Variants in C2orf76 observed in about 807,000 individuals in gnomAD.
C2orf76 encodes the protein chromosome 2 open reading frame 76, also known as UPF0538 protein C2orf76.
C2orf76 carries 23 observed loss-of-function variants against 16.9 expected under a neutral mutation model. That is an observed-to-expected ratio of 1.36 (90% CI 0.98 to 1.93). The LOEUF is 1.93. C2orf76 is among the 30% of genes most tolerant of loss of function. C2orf76 has a pLI of 0.00. For missense variants in C2orf76, 152 were observed against 152.6 expected, an observed-to-expected ratio of 1.00 and a Z score of 0.02; for synonymous variants, 48 against 52.3, an observed-to-expected ratio of 0.92 and a Z score of 0.35.
At chr2:119,286,389 G>A in the C2orf76 span, among the ~76,000 whole-genome samples, 1 of 152,088 alleles carries the variant, frequency 6.6e-6, no homozygotes, top group Non-Finnish European at 1.5e-5. Flanking sequence ...ATGGTCCTTG[G>A]TTGTGCCTCC....
In C2orf76 at chr2:119,311,721, A is replaced by T; in HGVS notation, c.223-18T>A. On this transcript the variant is annotated intron_variant, in intron 4 of 5. Coordinates refer to ENST00000334816, the MANE Select transcript of C2orf76 (RefSeq NM_001322331.2). ...TCATTTGTCTAAAAAAAAAAAAGAAAATCTGCATTTTATCAGTACTTACAT... is the reference window on the plus strand; with the variant it reads ...TCATTTGTCTAAAAAAAAAAAAGAATATCTGCATTTTATCAGTACTTACAT... 1 of 1,599,336 alleles carries T rather than the reference A, an allele frequency of 6.3e-7. No homozygotes were observed. The highest frequency in any genetic ancestry group is 8.5e-7 in the Non-Finnish European group (1 of 1,176,468).
At chr2:119,305,555 A>C (rs1678750371) in intron 5 of C2orf76, among the ~76,000 whole-genome samples, 1 of 152,232 alleles carries the variant, frequency 6.6e-6, no homozygotes, top group Non-Finnish European at 1.5e-5. Context: ...AGCCTGAGAC[A>C]CACGCACTGA....
intron 5 of C2orf76, among the ~76,000 whole-genome samples, chr2:119,305,789 G>A (rs933797230): frequency 3.3e-5 from 5 of 152,104 alleles, no homozygotes; most frequent in Non-Finnish European, 7.4e-5. Flanking sequence ...TCACAGCTGA[G>A]TTATATTTCT....
At chr2:119,300,248 C>T (rs1050040079), downstream of C2orf76, among the ~76,000 whole-genome samples, 24 of 152,196 alleles carry the variant, frequency 1.6e-4, no homozygotes, top group Non-Finnish European at 2.5e-4. Flanking sequence ...TGCCACGGAA[C>T]GCACGATCAC....
chr2:119,315,380 T>C (rs1276687112), intron 4 of C2orf76, among the ~76,000 whole-genome samples: 1 of 152,194 alleles, frequency 6.6e-6, no homozygotes, highest in East Asian at 1.9e-4. Flanking sequence ...AGGAATTATT[T>C]AGAAGTCTCT....
downstream of C2orf76, among the ~76,000 whole-genome samples, chr2:119,297,588 C>A (rs1314183051): frequency 6.6e-6 from 1 of 152,120 alleles, no homozygotes; most frequent in Non-Finnish European, 1.5e-5. Flanking sequence ...CTCACTGTAA[C>A]CTCTGCCTCC....
At chr2:119,323,342 T>G (rs1679407892) in intron 2 of C2orf76, among the ~76,000 whole-genome samples, 1 of 152,140 alleles carries the variant, frequency 6.6e-6, no homozygotes, top group Non-Finnish European at 1.5e-5. Context: ...TTTTTTAAAA[T>G]GCTTTTTCAA....
chr2:119,308,573 G>A (rs1050961651), intron 5 of C2orf76, among the ~76,000 whole-genome samples: 2 of 152,206 alleles, frequency 1.3e-5, no homozygotes, highest in African/African-American at 4.8e-5. Flanking sequence ...CCCAGGAGGT[G>A]GAGGCTGCAG....
rs990082195 is a variant in C2orf76 at position 119,328,186 on chromosome 2, T to C, written c.134-6982A>G. 2.0e-5 allele frequency among the ~76,000 whole-genome samples: 3 copies of C among 152,186 alleles called. No homozygotes were observed. The East Asian group carries it at 5.8e-4, about 29-fold the overall frequency. ...CCCATCCTTCTTCTGGAAGAATCTC[T>C]GTAGAATTGAGATTATTTCTTTCTT... On this transcript the variant is annotated intron_variant, in intron 2 of 5. Transcript: ENST00000334816.
At chr2:119,292,549 C>T in the C2orf76 span, among the ~76,000 whole-genome samples, 1 of 152,152 alleles carries the variant, frequency 6.6e-6, no homozygotes, top group Non-Finnish European at 1.5e-5. Context: ...TTCCTCAACT[C>T]CATTTGAAAC....
At chr2:119,366,521 C>T (rs1295794327) in intron 1 of C2orf76, 3 of 471,240 alleles carry the variant, frequency 6.4e-6, no homozygotes, top group African/African-American at 6.0e-5. Context: ...CAGGGACCAT[C>T]TCCGGGGGTC....
intron 2 of C2orf76, 91 bp from the exon 3 acceptor site, chr2:119,321,295 A>G: frequency 2.7e-6 from 2 of 727,636 alleles, no homozygotes; most frequent in East Asian, 2.9e-5. Context: ...TTCTATCTAC[A>G]GACTAAGTTA....
chr2:119,352,511 C>G (rs75938835), intron 1 of C2orf76, among the ~76,000 whole-genome samples: 2,068 of 152,256 alleles, frequency 0.014, 42 homozygotes, highest in African/African-American at 0.046. Context: ...AAACTTTCAG[C>G]CAATACAGGC....
chr2:119,341,049 C>T (rs576865918), intron 1 of C2orf76, among the ~76,000 whole-genome samples: 1 of 152,102 alleles, frequency 6.6e-6, no homozygotes, highest in Non-Finnish European at 1.5e-5. Context: ...TGCCCTGGGA[C>T]GACAGAGCAG....
intron 1 of C2orf76, among the ~76,000 whole-genome samples, chr2:119,353,467 G>A (rs1039674688): frequency 2.7e-5 from 4 of 150,908 alleles, no homozygotes; most frequent in African/African-American, 7.3e-5. Flanking sequence ...GATGGAGAAC[G>A]AAATTTTCTT....
At chr2:119,367,067 C>T (rs760114471), upstream of C2orf76, 3 of 1,614,014 alleles carry the variant, frequency 1.9e-6, no homozygotes, top group Admixed American at 3.3e-5. Flanking sequence ...TCAGGTACAG[C>T]GCGTGCACAG....
chr2:119,363,423 C>CA (rs561547022), intron 1 of C2orf76, among the ~76,000 whole-genome samples: 94 of 95,152 alleles, frequency 9.9e-4, no homozygotes, highest in East Asian at 2.2e-3. Flanking sequence ...GACTCTGTCT[C>CA]AAAAAAAAAA....
Position 119,324,373 on chromosome 2 carries a change from C to T in C2orf76, c.134-3169G>A, listed in dbSNP as rs993118251. Among the ~76,000 whole-genome samples the T allele has an allele frequency of 1.2e-4, 19 of 152,298 alleles. No homozygotes were observed. The East Asian group carries it at 3.3e-3, about 26-fold the overall frequency. On this transcript the variant is annotated intron_variant, in intron 2 of 5. Transcript: ENST00000334816. ...TTCTCTGATATTGTTTCCTTCATAA[C>T]AGGTTTTACAATTATAGTTTTGTCT...
intron 1 of C2orf76, among the ~76,000 whole-genome samples, chr2:119,345,691 G>A (rs1000137973): frequency 6.6e-6 from 1 of 152,148 alleles, no homozygotes. Flanking sequence ...TGTACAGACA[G>A]TATTTCAGCG....
Sources: gnomAD v4.1 joint callset for allele counts (sites outside exome capture counted in the v4.1 genomes callset) on GRCh38, gnomAD v4.1.1 for gene constraint, MANE v1.5 for transcripts, NCBI Gene and HGNC (gene_info 2026-07-23, HGNC 2026-07-21) for gene names.